TPRG1: variants seen among roughly 807,000 people sequenced by gnomAD.
The protein encoded by TPRG1 is tumor protein p63 regulated 1.
TPRG1 carries 29 observed loss-of-function variants against 29.3 expected under a neutral mutation model. That is an observed-to-expected ratio of 0.99 (90% CI 0.74 to 1.35). The LOEUF (loss-of-function observed/expected upper bound fraction) is 1.35. Among genes scored for constraint, TPRG1 ranks in the 40% most tolerant of loss-of-function variants. The probability of loss-of-function intolerance (pLI) is 0.00; values close to 1 mark genes in which losing one functional copy is unlikely to be tolerated. For synonymous variants in TPRG1, 130 were observed against 116.8 expected (o/e 1.11, Z -0.73); for missense variants, 327 against 335.0 (o/e 0.98, Z 0.19).
intron 3 of TPRG1, among the ~76,000 whole-genome samples, chr3:189,229,329 A>T (rs1738277600): frequency 6.6e-6 from 1 of 152,254 alleles, no homozygotes; most frequent in Non-Finnish European, 1.5e-5. Context: ...CTTAAAAAGA[A>T]TAAACTTCTC....
At chr3:189,064,892 A>G (rs904405929) in intron 4 of TPRG1, among the ~76,000 whole-genome samples, 1 of 152,196 alleles carries the variant, frequency 6.6e-6, no homozygotes, top group Non-Finnish European at 1.5e-5. Flanking sequence ...AAAACTAATA[A>G]TTAAGAAATC....
upstream of TPRG1, chr3:189,100,041 A>G: frequency 6.6e-6 from 1 of 152,416 alleles, no homozygotes; most frequent in Non-Finnish European, 1.5e-5. Context: ...TCAAGACGAG[A>G]GGACTGAAAG....
At chr3:189,095,411 A>G (rs1225622634), upstream of TPRG1, among the ~76,000 whole-genome samples, 1 of 152,108 alleles carries the variant, frequency 6.6e-6, no homozygotes, top group African/African-American at 2.4e-5. Flanking sequence ...ATATTTATGG[A>G]ATGTCTCTGC....
chr3:189,314,077 A>G (rs1723108331), intron 5 of TPRG1, among the ~76,000 whole-genome samples: 1 of 152,230 alleles, frequency 6.6e-6, no homozygotes, highest in Non-Finnish European at 1.5e-5. Flanking sequence ...GATATTGAAG[A>G]TGATGAAGAA....
At chr3:189,024,969 A>C (rs1282569763) in intron 4 of TPRG1, among the ~76,000 whole-genome samples, 5 of 152,174 alleles carry the variant, frequency 3.3e-5, no homozygotes, top group Admixed American at 6.5e-5. Flanking sequence ...CTGGAATTCC[A>C]AGCCAGTGGG....
chr3:189,273,419 CAA>C lies in TPRG1; in HGVS notation c.479+34513_479+34514del, dbSNP rs373614880. Among the ~76,000 whole-genome samples, 857 of 152,210 alleles carry C rather than the reference CAA, an allele frequency of 5.6e-3. 8 individuals are homozygous for C. The highest frequency in any genetic ancestry group is 0.018 in the African/African-American group (753 of 41,524). On this transcript the variant is annotated intron_variant, in intron 4 of 5. Coordinates refer to ENST00000345063, the MANE Select transcript of TPRG1 (RefSeq NM_198485.4). Reference sequence around the variant, plus strand: ...AAAATACTGCAGAGAGTTTGAAAATCAAAAGTTTTTATGTCCTTCATTCCCAT... The same window carrying C: ...AAAATACTGCAGAGAGTTTGAAAATCAAGTTTTTATGTCCTTCATTCCCAT...
chr3:189,290,913 T>G (rs750128763), intron 4 of TPRG1, among the ~76,000 whole-genome samples: 2 of 152,122 alleles, frequency 1.3e-5, no homozygotes, highest in Non-Finnish European at 2.9e-5. Flanking sequence ...CTTTTTGTTG[T>G]TGTTGTTGAG....
intron 5 of TPRG1, among the ~76,000 whole-genome samples, chr3:189,155,704 G>A (rs1019198971): frequency 6.6e-6 from 1 of 152,176 alleles, no homozygotes; most frequent in Non-Finnish European, 1.5e-5. Flanking sequence ...TGAACACAGA[G>A]GACATTATGC....
intron 4 of TPRG1, among the ~76,000 whole-genome samples, chr3:189,067,354 A>G (rs775470392): frequency 6.6e-6 from 1 of 152,226 alleles, no homozygotes; most frequent in Non-Finnish European, 1.5e-5. Context: ...AATGCCCAGA[A>G]TAGACAAGTC....
chr3:189,141,770 T>C (rs1469155652), intron 3 of TPRG1, among the ~76,000 whole-genome samples: 9 of 152,178 alleles, frequency 5.9e-5, no homozygotes, highest in Admixed American at 5.9e-4. Flanking sequence ...GTGTGTGTAG[T>C]CTTAAATCAA....
At chr3:189,125,083 A>C (rs1722295333) in intron 1 of TPRG1, among the ~76,000 whole-genome samples, 2 of 152,296 alleles carry the variant, frequency 1.3e-5, no homozygotes, top group South Asian at 2.1e-4. Flanking sequence ...ATATTGGATG[A>C]TTTATTTAAT....
At chr3:189,197,251 T>A (rs529699176) in intron 1 of TPRG1, among the ~76,000 whole-genome samples, 12 of 152,320 alleles carry the variant, frequency 7.9e-5, no homozygotes, top group African/African-American at 2.9e-4. Context: ...ATTGGTTGAT[T>A]TTTTTTATCT....
At chr3:189,100,570 C>G (rs1007080472) in intron 1 of TPRG1, among the ~76,000 whole-genome samples, 1 of 152,142 alleles carries the variant, frequency 6.6e-6, no homozygotes, top group African/African-American at 2.4e-5. Flanking sequence ...TCTTCCATTG[C>G]AAAATGTATT....
intron 4 of TPRG1, among the ~76,000 whole-genome samples, chr3:189,268,994 T>C (rs77560952): frequency 0.016 from 2,482 of 152,256 alleles, 69 homozygotes; most frequent in African/African-American, 0.057. Context: ...ATTTCATACA[T>C]TTTCCTCCAG....
At chr3:189,002,891 C>T (rs1362026524) in intron 2 of TPRG1, among the ~76,000 whole-genome samples, 1 of 152,092 alleles carries the variant, frequency 6.6e-6, no homozygotes, top group Non-Finnish European at 1.5e-5. Flanking sequence ...TTTTTAAGCA[C>T]ATGCTCAATG....
intron 1 of TPRG1, among the ~76,000 whole-genome samples, chr3:189,123,887 C>T (rs985427420): frequency 2.6e-5 from 4 of 152,118 alleles, no homozygotes; most frequent in South Asian, 2.1e-4. Context: ...GAGTCTCTCT[C>T]GCTCAGACCC....
intron 4 of TPRG1, among the ~76,000 whole-genome samples, chr3:189,252,957 A>G (rs777275560): frequency 1.3e-5 from 2 of 152,216 alleles, no homozygotes; most frequent in African/African-American, 2.4e-5. Flanking sequence ...TCATTTACAT[A>G]TTGGAAAACA....
At chr3:189,161,914 C>T (rs1432752776) in intron 5 of TPRG1, among the ~76,000 whole-genome samples, 1 of 152,098 alleles carries the variant, frequency 6.6e-6, no homozygotes, top group African/African-American at 2.4e-5. Flanking sequence ...GAGGAGGTAA[C>T]TTTAGACCAG....
intron 2 of TPRG1, among the ~76,000 whole-genome samples, chr3:189,208,579 T>G (rs1734770873): frequency 6.6e-6 from 1 of 152,178 alleles, no homozygotes; most frequent in Non-Finnish European, 1.5e-5. Flanking sequence ...CGAGTGTGTG[T>G]GTGTGCCTGT....
Sources: gnomAD v4.1 joint callset for allele counts (sites outside exome capture counted in the v4.1 genomes callset) on GRCh38, gnomAD v4.1.1 for gene constraint, MANE v1.5 for transcripts, NCBI Gene and HGNC (gene_info 2026-07-23, HGNC 2026-07-21) for gene names.